ZNRF1: variants seen among roughly 807,000 people sequenced by gnomAD.
ZNRF1 encodes the protein zinc and ring finger 1.
ZNRF1 carries 3 observed loss-of-function variants against 18.4 expected under a neutral mutation model. The ratio of observed to expected loss-of-function variants is 0.16; its 90% CI spans 0.07 to 0.42. The LOEUF (loss-of-function observed/expected upper bound fraction) is 0.42. ZNRF1 is among the 10% of genes least tolerant of loss of function. The pLI, the probability that ZNRF1 is intolerant of heterozygous loss-of-function variation, is 0.99. For synonymous variants in ZNRF1, 157 were observed against 144.2 expected, an observed-to-expected ratio of 1.09 and a Z score of -0.64; for missense variants, 310 against 329.8, an observed-to-expected ratio of 0.94 and a Z score of 0.47.
chr16:75,038,223 A>C (rs1465568135), intron 1 of ZNRF1, among the ~76,000 whole-genome samples: 2 of 152,168 alleles, frequency 1.3e-5, no homozygotes, highest in South Asian at 4.1e-4. Context: ...GTTCTTCTCT[A>C]TGTGACTAAC....
At chr16:75,042,485 G>A (rs1322419769) in intron 1 of ZNRF1, among the ~76,000 whole-genome samples, 1 of 108,526 alleles carries the variant, frequency 9.2e-6, no homozygotes. Flanking sequence ...ATTTCTAGTT[G>A]TAGCAACATC....
At chr16:75,015,761 T>C (rs1425011900) in intron 1 of ZNRF1, among the ~76,000 whole-genome samples, 3 of 152,058 alleles carry the variant, frequency 2.0e-5, no homozygotes, top group Non-Finnish European at 4.4e-5. Context: ...TTCAAAGTAC[T>C]GGGATAATAG....
Position 74,999,365 on chromosome 16 carries a change from TCGGAGCCCGGGGGCGGCCTGTGGCGCG to T in ZNRF1, c.-297_-271del. 1 of 208,206 alleles carries T rather than the reference TCGGAGCCCGGGGGCGGCCTGTGGCGCG, an allele frequency of 4.8e-6. No individual in the cohort carries two copies. The highest frequency in any genetic ancestry group is 9.5e-6 in the Non-Finnish European group (1 of 105,132). 12.9% of individuals were successfully genotyped at this position (208,206 alleles called of 1,614,324 possible). On this transcript the variant is annotated 5_prime_UTR_variant, in exon 1 of 5. Coordinates refer to ENST00000335325, the MANE Select transcript of ZNRF1 (RefSeq NM_032268.5). ...TCCTTCCCTGCGGCTCCCCCGGCTT[TCGGAGCCCGGGGGCGGCCTGTGGCGCG>T]CGGAGCCCGCGCCGGACTGCGCCTC...
intron 1 of ZNRF1, among the ~76,000 whole-genome samples, chr16:75,007,346 T>C (rs8050005): frequency 0.031 from 4,687 of 152,258 alleles, 215 homozygotes; most frequent in African/African-American, 0.1. Flanking sequence ...TCAGCGACGA[T>C]GCCAGACCCC....
chr16:75,008,966 T>G (rs2034959459), intron 1 of ZNRF1, among the ~76,000 whole-genome samples: 1 of 152,250 alleles, frequency 6.6e-6, no homozygotes, highest in Non-Finnish European at 1.5e-5. Flanking sequence ...TGTCTCAGTA[T>G]GAGGGGTCCT....
intron 1 of ZNRF1, among the ~76,000 whole-genome samples, chr16:75,085,396 T>C (rs927251933): frequency 6.6e-6 from 1 of 152,254 alleles, no homozygotes; most frequent in Admixed American, 6.5e-5. Context: ...TTTCATTTTA[T>C]TCCACGGATG....
At chr16:75,050,437 G>A (rs886791951) in intron 1 of ZNRF1, among the ~76,000 whole-genome samples, 1 of 152,004 alleles carries the variant, frequency 6.6e-6, no homozygotes, top group Admixed American at 6.6e-5. Context: ...GAGATCAGAG[G>A]ATGGTTTGAG....
chr16:75,048,575 C>G lies in ZNRF1; in HGVS notation c.425-44997C>G, dbSNP rs374416352. On this transcript the variant is annotated intron_variant, in intron 1 of 4. Coordinates refer to ENST00000335325, the MANE Select transcript of ZNRF1 (RefSeq NM_032268.5). Reference sequence around the variant, plus strand: ...TACAAGTGGCAGTTGATGTGGGTTTCTAGATACCTTTCACTGAGTTGAAGA... The same window carrying G: ...TACAAGTGGCAGTTGATGTGGGTTTGTAGATACCTTTCACTGAGTTGAAGA... Among the ~76,000 whole-genome samples, 9 of 152,172 alleles carry G rather than the reference C, an allele frequency of 5.9e-5. No homozygotes were observed. In the East Asian group the frequency reaches 1.3e-3, roughly 23 times the overall value.
At chr16:75,017,210 T>C (rs2145331520) in intron 1 of ZNRF1, among the ~76,000 whole-genome samples, 1 of 152,326 alleles carries the variant, frequency 6.6e-6, no homozygotes, top group South Asian at 2.1e-4. Flanking sequence ...TCCAGATAAA[T>C]TTTAGAATCA....
At chr16:75,021,241 G>A (rs938992863) in intron 1 of ZNRF1, among the ~76,000 whole-genome samples, 1 of 152,138 alleles carries the variant, frequency 6.6e-6, no homozygotes, top group African/African-American at 2.4e-5. Flanking sequence ...CTTTCACCAC[G>A]TTGGCCAGGC....
chr16:75,017,940 C>G (rs1253940578), intron 1 of ZNRF1, among the ~76,000 whole-genome samples: 1 of 152,168 alleles, frequency 6.6e-6, no homozygotes. Flanking sequence ...ACCAGACTGT[C>G]TTTGGTGTGA....
At chr16:75,006,499 G>A (rs1156283622) in intron 1 of ZNRF1, among the ~76,000 whole-genome samples, 1 of 152,154 alleles carries the variant, frequency 6.6e-6, no homozygotes, top group African/African-American at 2.4e-5. Flanking sequence ...GCAGTGGCAT[G>A]ATCTGAGCTC....
At chr16:75,025,038 T>C (rs1318165327) in intron 1 of ZNRF1, among the ~76,000 whole-genome samples, 2 of 152,124 alleles carry the variant, frequency 1.3e-5, no homozygotes, top group Admixed American at 1.3e-4. Flanking sequence ...TCCATGTACA[T>C]GTGTGGATTT....
chr16:75,073,183 T>C lies in ZNRF1; in HGVS notation c.425-20389T>C, dbSNP rs185799652. On this transcript the variant is annotated intron_variant, in intron 1 of 4. Transcript: ENST00000335325. Reference sequence around the variant, plus strand: ...CTCTGTCTATATATATGTATATATATATACACACATAGATATGTATACGTA... The same window carrying C: ...CTCTGTCTATATATATGTATATATACATACACACATAGATATGTATACGTA... Among the ~76,000 whole-genome samples, 3 of 152,026 alleles carry C rather than the reference T, an allele frequency of 2.0e-5. No individual in the cohort carries two copies. The East Asian group carries it at 5.8e-4, about 29-fold the overall frequency.
At chr16:75,025,471 G>A (rs1420460240) in intron 1 of ZNRF1, among the ~76,000 whole-genome samples, 2 of 152,036 alleles carry the variant, frequency 1.3e-5, no homozygotes, top group African/African-American at 4.8e-5. Flanking sequence ...CCAAAATTGT[G>A]CCCCAAAATG....
intron 1 of ZNRF1, among the ~76,000 whole-genome samples, chr16:75,069,317 C>G (rs77522202): frequency 6.6e-6 from 1 of 152,192 alleles, no homozygotes; most frequent in Non-Finnish European, 1.5e-5. Context: ...TTTCCTGTAT[C>G]CACCATCTTT....
At chr16:75,067,241 G>A (rs1480432218) in intron 1 of ZNRF1, among the ~76,000 whole-genome samples, 3 of 152,224 alleles carry the variant, frequency 2.0e-5, no homozygotes, top group Non-Finnish European at 2.9e-5. Flanking sequence ...AGAGAACCAA[G>A]TAGAAGCCAT....
rs919215594 is a variant in ZNRF1 at position 75,033,419 on chromosome 16, T to G, written c.424+33324T>G. Reference sequence around the variant, plus strand: ...CTTCATTTAAGTGCTATTTAATTTTTCTCATCAGTGTTTTATAGTTTTTTT... The same window carrying G: ...CTTCATTTAAGTGCTATTTAATTTTGCTCATCAGTGTTTTATAGTTTTTTT... On this transcript the variant is annotated intron_variant, in intron 1 of 4. Transcript: ENST00000335325. Among the ~76,000 whole-genome samples, 10 of 150,280 alleles carry G rather than the reference T, an allele frequency of 6.7e-5. No individual in the cohort carries two copies. In the East Asian group the frequency reaches 2.0e-3, roughly 29 times the overall value.
chr16:75,021,207 A>C (rs2035143130), intron 1 of ZNRF1, among the ~76,000 whole-genome samples: 1 of 151,728 alleles, frequency 6.6e-6, no homozygotes, highest in Non-Finnish European at 1.5e-5. Context: ...TGCCGGGCTA[A>C]TTTCTGTGTT....
Sources: allele counts gnomAD v4.1 joint callset (sites outside exome capture counted in the v4.1 genomes callset), GRCh38; gene constraint gnomAD v4.1.1; transcripts MANE v1.5; gene names NCBI Gene and HGNC (gene_info 2026-07-23, HGNC 2026-07-21).